INTS8: variants seen among roughly 807,000 people sequenced by gnomAD.
INTS8 encodes the protein protein kaonashi-1.
A neutral mutation model predicts 138.9 loss-of-function variants in INTS8; 47 were observed. That is an observed-to-expected ratio of 0.34 (90% confidence interval 0.27 to 0.43). The LOEUF (loss-of-function observed/expected upper bound fraction) is 0.43, where lower values mean the gene tolerates loss of function less well. INTS8 is among the 20% of genes least tolerant of loss of function. The pLI is 1.00. For missense variants in INTS8, 996 were observed against 1,173.0 expected (o/e 0.85, Z 2.20); for synonymous variants, 392 against 400.9 (o/e 0.98, Z 0.27).
At chr8:94,864,631 C>T (rs1294639854) in intron 16 of INTS8, 2 of 152,220 alleles carry the variant, frequency 1.3e-5, no homozygotes, top group Non-Finnish European at 2.9e-5. Flanking sequence ...TCGTTTGAGC[C>T]TGGGAGGCGG....
chr8:94,880,729 T>C lies in INTS8; in HGVS notation c.*495T>C. 5.0e-6 allele frequency: 2 copies of C among 396,642 alleles called. No individual in the cohort carries two copies. Among genetic ancestry groups the C allele is most frequent in the Non-Finnish European group, 8.9e-6 (2 of 225,110 alleles). The allele number at this position is 396,642 out of a possible 1,614,324, so 24.6% of individuals were successfully genotyped here. ...GAATTTAGAAAGGACCTTAACAGTT[T>C]CACAAACATAAATAAAGCCTTAGTC... is the stretch of plus-strand genomic sequence containing the variant. On this transcript the variant is annotated 3_prime_UTR_variant, in exon 27 of 27. Coordinates refer to ENST00000523731, the MANE Select transcript of INTS8 (RefSeq NM_017864.4).
At chr8:94,861,256 A>ATTTCTTT (rs1815962360) in intron 16 of INTS8, among the ~76,000 whole-genome samples, 4 of 57,374 alleles carry the variant, frequency 7.0e-5, no homozygotes, top group African/African-American at 2.9e-4. Flanking sequence ...CCTTTTTGTA[A>ATTTCTTT]TTTTTTTTTT....
chr8:94,850,172 T>C (rs1382783627), intron 12 of INTS8, 81 bp downstream of exon 12: 1 of 951,620 alleles, frequency 1.1e-6, no homozygotes, highest in Non-Finnish European at 1.6e-6. Flanking sequence ...TATTTGAGGA[T>C]TCTCTCTTGT....
intron 5 of INTS8, among the ~76,000 whole-genome samples, chr8:94,829,924 G>A (rs1814650067): frequency 6.6e-6 from 1 of 152,036 alleles, no homozygotes; most frequent in Non-Finnish European, 1.5e-5. Context: ...TTTTGAGACA[G>A]AGTCTTGCTC....
In INTS8 at chr8:94,880,533, A is replaced by T; in HGVS notation, c.*299A>T. 3.3e-6 allele frequency: 1 copy of T among 302,346 alleles called. No individual in the cohort carries two copies. The allele number at this position is 302,346 out of a possible 1,614,324, so 18.7% of individuals were successfully genotyped here. ...ATTTTTTTTTTAGAAAAGCTAATTT[A>T]AAATATTTAGAAATAGCTAGCCTAT... On this transcript the variant is annotated 3_prime_UTR_variant, in exon 27 of 27. Coordinates refer to ENST00000523731, the MANE Select transcript of INTS8 (RefSeq NM_017864.4).
chr8:94,835,922 A>G (rs1814911918), intron 6 of INTS8, among the ~76,000 whole-genome samples: 2 of 152,162 alleles, frequency 1.3e-5, no homozygotes, highest in African/African-American at 2.4e-5. Flanking sequence ...AGAATCAACT[A>G]AAAACTCCCA....
intron 5 of INTS8, among the ~76,000 whole-genome samples, chr8:94,831,366 G>T (rs961967826): frequency 6.6e-6 from 1 of 151,680 alleles, no homozygotes; most frequent in African/African-American, 2.4e-5. Context: ...CTCCTGCCTC[G>T]CTTGGCCTCC....
At chr8:94,850,422 C>G (rs950849151) in intron 12 of INTS8, among the ~76,000 whole-genome samples, 1 of 152,108 alleles carries the variant, frequency 6.6e-6, no homozygotes, top group Non-Finnish European at 1.5e-5. Flanking sequence ...ACCATCCTGG[C>G]TAACACGGTG....
chr8:94,824,874 A>G lies in INTS8; in HGVS notation c.131-19A>G. On this transcript the variant is annotated intron_variant, in intron 1 of 26. Transcript: ENST00000523731. ...AATTAAAACTTAAATTTAAGAATTT[A>G]TTTTCTTTTAAACCCTAGATCCTGC... 1.3e-6 allele frequency: 2 copies of G among 1,496,362 alleles called. No individual in the cohort carries two copies. The highest frequency in any genetic ancestry group is 1.8e-6 in the Non-Finnish European group (2 of 1,114,130). The allele number at this position is 1,496,362 out of a possible 1,614,324, so 92.7% of individuals were successfully genotyped here.
Position 94,832,121 on chromosome 8 carries a change from A to G in INTS8, c.700A>G (p.Thr234Ala). 5 of 1,613,902 alleles carry G rather than the reference A, an allele frequency of 3.1e-6. No individual in the cohort carries two copies. Among genetic ancestry groups the G allele is most frequent in the Non-Finnish European group, 8.5e-7 (1 of 1,179,960 alleles). ...GGAACCAGGCATGGTAAATGGAGAA[A>G]CTGAGAGTTCTACTGCTGGATTGAA... Reference protein sequence around the residue: ...AMEPGMVNGETESSTAGLKVK... With the variant: ...AMEPGMVNGEAESSTAGLKVK... Residue 234 changes from threonine to alanine, a missense_variant, in exon 6 of 27, where the codon ACT becomes GCT. By Grantham distance (58) the Thr-to-Ala change is moderately conservative. Coordinates refer to ENST00000523731, the MANE Select transcript of INTS8 (RefSeq NM_017864.4).
At position 94,823,309 on chromosome 8, in the gene INTS8, T is replaced by G; in HGVS notation, c.-123T>G. On this transcript the variant is annotated 5_prime_UTR_variant, in exon 1 of 27. Transcript: ENST00000523731. ...GCCGCCATTTTGGATTGTGTGAGTTTCCGGGACGTTCGGAGGGTGGCCTCT... is the reference window on the plus strand; with the variant it reads ...GCCGCCATTTTGGATTGTGTGAGTTGCCGGGACGTTCGGAGGGTGGCCTCT... 6.6e-7 allele frequency: 1 copy of G among 1,521,786 alleles called. No homozygotes were observed. Among genetic ancestry groups the G allele is most frequent in the African/African-American group, 1.4e-5 (1 of 72,728 alleles). 94.3% of individuals were successfully genotyped at this position (1,521,786 alleles called of 1,614,324 possible).
At chr8:94,862,395 C>A (rs1816024444) in intron 16 of INTS8, among the ~76,000 whole-genome samples, 1 of 152,202 alleles carries the variant, frequency 6.6e-6, no homozygotes, top group Admixed American at 6.5e-5. Flanking sequence ...TTTACACTTA[C>A]AATCATAGCT....
At chr8:94,854,164 T>A (rs1186402537) in intron 14 of INTS8, among the ~76,000 whole-genome samples, 1 of 148,210 alleles carries the variant, frequency 6.7e-6, no homozygotes, top group Non-Finnish European at 1.5e-5. Context: ...TGGAGTTGCA[T>A]CATTGCACTC....
intron 15 of INTS8, among the ~76,000 whole-genome samples, chr8:94,859,302 C>T (rs190225878): frequency 3.2e-4 from 49 of 151,482 alleles, no homozygotes; most frequent in Admixed American, 9.2e-4. Flanking sequence ...ATTTTTGAGA[C>T]AAGGTCTCAC....
At chr8:94,827,479 T>C in intron 3 of INTS8, 76 bp downstream of exon 3, 1 of 1,495,970 alleles carries the variant, frequency 6.7e-7, no homozygotes, top group Non-Finnish European at 9.2e-7. Flanking sequence ...GGATATTCTT[T>C]TAATGGACCC....
intron 8 of INTS8, among the ~76,000 whole-genome samples, chr8:94,839,118 A>AAGGG (rs1312102545): frequency 6.6e-6 from 1 of 152,160 alleles, no homozygotes; most frequent in Non-Finnish European, 1.5e-5. Context: ...CTGAAGGAGA[A>AAGGG]AGGGAGCACA....
At chr8:94,865,401 T>C (rs1816142738) in intron 16 of INTS8, 105 bp from the exon 17 acceptor site, 2 of 863,106 alleles carry the variant, frequency 2.3e-6, no homozygotes, top group Non-Finnish European at 3.7e-6. Flanking sequence ...GTGCTTAGTA[T>C]GTTTGGGCAG....
At chr8:94,837,676 G>A (rs1216437406) in intron 7 of INTS8, among the ~76,000 whole-genome samples, 1 of 151,778 alleles carries the variant, frequency 6.6e-6, no homozygotes, top group Non-Finnish European at 1.5e-5. Flanking sequence ...AAACCTTTAA[G>A]CTTGTTTTTA....
chr8:94,866,320 T>C (rs746657695), intron 18 of INTS8, 129 bp downstream of exon 18: 5 of 640,692 alleles, frequency 7.8e-6, no homozygotes, highest in Admixed American at 6.4e-5. Context: ...AGGGACAGGG[T>C]CTTGATCTGT....
Sources: allele counts gnomAD v4.1 joint callset (sites outside exome capture counted in the v4.1 genomes callset), GRCh38; gene constraint gnomAD v4.1.1; transcripts MANE v1.5; gene names NCBI Gene and HGNC (gene_info 2026-07-23, HGNC 2026-07-21).